Variants in CLCN5 observed in about 807,000 individuals in gnomAD.
CLCN5 encodes the protein Cl-/H+ antiporter 5, also known as H(+)/Cl(-) exchange transporter 5.
A neutral mutation model predicts 54.0 loss-of-function variants in CLCN5; 17 were observed. The ratio of observed to expected loss-of-function variants is 0.31; its 90% CI spans 0.22 to 0.47. The LOEUF (loss-of-function observed/expected upper bound fraction) is 0.47. CLCN5 is among the 20% of genes least tolerant of loss of function. The pLI, the probability that CLCN5 is intolerant of heterozygous loss-of-function variation, is 1.00. For synonymous variants in CLCN5, 222 were observed against 233.0 expected (o/e 0.95, Z 0.43); for missense variants, 448 against 646.7 (o/e 0.69, Z 3.33).
At position 50,092,294 on chromosome X, in the gene CLCN5, A is replaced by C. The variant is rs1210328477; in HGVS notation, c.*75A>C. ...TATGTTGTATTAACTGGGTACCCAAAACACATTTTCCATATTTGGATGGTG... is the reference window on the plus strand; with the variant it reads ...TATGTTGTATTAACTGGGTACCCAACACACATTTTCCATATTTGGATGGTG... On this transcript the variant is annotated 3_prime_UTR_variant, in exon 15 of 15. Transcript: ENST00000376091. 5.6e-6 allele frequency: 4 copies of C among 708,136 alleles called. No homozygotes were observed. In the Admixed American group the frequency reaches 9.2e-5, roughly 16 times the overall value. The allele number at this position is 708,136 out of a possible 1,213,427, so 58.4% of individuals were successfully genotyped here.
chrX:50,088,793 G>A lies in CLCN5; in HGVS notation c.1653G>A (p.Gln551=). 8.3e-7 allele frequency: 1 copy of A among 1,211,598 alleles called. No homozygotes were observed. The highest frequency in any genetic ancestry group is 1.1e-6 in the Non-Finnish European group (1 of 895,230). ...VGMEQLAYYH[Q]EWTVFNSWCS... ...TGGAACAGCTGGCTTATTACCACCA[G>A]GAATGGACCGTCTTCAATAGCTGGT... Residue 551 remains glutamine, a synonymous_variant, in exon 12 of 15, where the codon CAG becomes CAA. Coordinates refer to ENST00000376091, the MANE Select transcript of CLCN5 (RefSeq NM_001127898.4).
chrX:49,992,238 C>G (rs781930779), intron 3 of CLCN5, among the ~76,000 whole-genome samples: 15 of 91,538 alleles, frequency 1.6e-4, no homozygotes, highest in African/African-American at 6.2e-4. Context: ...TTCCAAATTT[C>G]AGCTTGGAAA....
chrX:49,990,465 C>A (rs896004265), intron 3 of CLCN5, among the ~76,000 whole-genome samples: 1 of 106,822 alleles, frequency 9.4e-6, no homozygotes, highest in Admixed American at 1.0e-4. Context: ...TAGTCTTCGT[C>A]TTGGCTCTGT....
At chrX:49,923,845 C>A (rs970802887) in intron 2 of CLCN5, 7 of 112,327 alleles carry the variant, frequency 6.2e-5, no homozygotes, top group African/African-American at 2.3e-4. Flanking sequence ...ACCCTTTTGT[C>A]ATTAAAGAAG....
At chrX:49,960,263 G>GT (rs1445562835) in intron 3 of CLCN5, among the ~76,000 whole-genome samples, 1 of 110,377 alleles carries the variant, frequency 9.1e-6, no homozygotes, top group Non-Finnish European at 1.9e-5. Flanking sequence ...TTCAGCATCT[G>GT]TTTTTTTCTG....
intron 9 of CLCN5, among the ~76,000 whole-genome samples, chrX:50,084,383 T>G (rs1347398261): frequency 9.0e-6 from 1 of 110,948 alleles, no homozygotes; most frequent in Non-Finnish European, 1.9e-5. Context: ...TTTGTTTTTG[T>G]TTTTGTTTTT....
chrX:50,013,189 GTCTT>G (rs1569538723), intron 3 of CLCN5: 2 of 266,093 alleles, frequency 7.5e-6, no homozygotes, highest in Middle Eastern at 5.3e-4. Flanking sequence ...CTCTCTTTCT[GTCTT>G]TCTTTCTCTC....
intron 3 of CLCN5, among the ~76,000 whole-genome samples, chrX:49,929,979 A>C (rs782379856): frequency 9.0e-6 from 1 of 111,480 alleles, no homozygotes; most frequent in Non-Finnish European, 1.9e-5. Flanking sequence ...AGAAAACTAG[A>C]AACAATTGCA....
At chrX:49,979,159 C>A (rs1284424835) in intron 3 of CLCN5, among the ~76,000 whole-genome samples, 1 of 111,293 alleles carries the variant, frequency 9.0e-6, no homozygotes, top group Non-Finnish European at 1.9e-5. Context: ...GAATACCTTC[C>A]CTACAAAGTA....
intron 3 of CLCN5, among the ~76,000 whole-genome samples, chrX:49,989,391 CCTT>C (rs1204420637): frequency 1.8e-5 from 2 of 111,881 alleles, no homozygotes; most frequent in African/African-American, 3.2e-5. Context: ...AAGTGTGTGT[CCTT>C]CCCACAAAAA....
At chrX:49,980,332 T>G (rs782773872) in intron 3 of CLCN5, among the ~76,000 whole-genome samples, 2 of 111,529 alleles carry the variant, frequency 1.8e-5, no homozygotes, top group South Asian at 7.5e-4. Flanking sequence ...TTTTAAATAC[T>G]GTAAAATAAC....
chrX:50,042,535 A>T (rs781978887), intron 4 of CLCN5, 73 bp downstream of exon 4: 11 of 720,966 alleles, frequency 1.5e-5, no homozygotes, highest in Admixed American at 1.0e-4. Context: ...ATTTTTTTTT[A>T]ATTTTATTTT....
In CLCN5 at chrX:50,042,418, TCTCCATGAGAGATGATGTTCCTCC is replaced by T; in HGVS notation, c.122_145del (p.Ser41_Pro48del). 1 of 1,134,682 alleles carries T rather than the reference TCTCCATGAGAGATGATGTTCCTCC, an allele frequency of 8.8e-7. No homozygotes were observed. The highest frequency in any genetic ancestry group is 2.1e-5 in the South Asian group (1 of 46,513). The allele number at this position is 1,134,682 out of a possible 1,213,427, so 93.5% of individuals were successfully genotyped here. ...GACATTCCAGCAACCGCTATGGATT[TCTCCATGAGAGATGATGTTCCTCC>T]CTTAGACCGAGAAGTAGGAGGTATC... On this transcript the variant is annotated inframe_deletion, in exon 4 of 15. Coordinates refer to ENST00000376091, the MANE Select transcript of CLCN5 (RefSeq NM_001127898.4).
At chrX:50,017,428 T>G (rs967675272) in intron 3 of CLCN5, among the ~76,000 whole-genome samples, 1 of 112,370 alleles carries the variant, frequency 8.9e-6, no homozygotes, top group Non-Finnish European at 1.9e-5. Flanking sequence ...CATGTGTGAT[T>G]TGCTTTTACA....
chrX:50,086,755 A>G lies in CLCN5; in HGVS notation c.1442A>G (p.Lys481Arg), dbSNP rs1325053432. 4 of 1,209,080 alleles carry G rather than the reference A, an allele frequency of 3.3e-6. No homozygotes were observed. The African/African-American group carries it at 7.0e-5, about 21-fold the overall frequency. ...TATGAGAACCGTTTCAACACAAGCA[A>G]AGGGGGTGAACTGCCTGACAGACCG... ...CDYENRFNTSKGGELPDRPAG... is the reference protein window; with the variant it reads ...CDYENRFNTSRGGELPDRPAG... Residue 481 changes from lysine (K) to arginine (R), a missense_variant, in exon 11 of 15, where the codon AAA (lysine) becomes AGA (arginine). Around this residue, in one of 5 missense-constraint regions of CLCN5, gnomAD observed 297 missense variants for 470.4 expected, o/e 0.63. Coordinates refer to ENST00000376091, the MANE Select transcript of CLCN5 (RefSeq NM_001127898.4).
At chrX:49,943,115 T>C (rs1926474028) in intron 3 of CLCN5, among the ~76,000 whole-genome samples, 1 of 105,933 alleles carries the variant, frequency 9.4e-6, no homozygotes, top group African/African-American at 3.5e-5. Context: ...TGTGAGATGG[T>C]ATCTCATTGT....
At chrX:50,033,660 A>C (rs1452533613) in intron 3 of CLCN5, among the ~76,000 whole-genome samples, 2 of 110,134 alleles carry the variant, frequency 1.8e-5, no homozygotes, top group Admixed American at 1.9e-4. Context: ...CAGAATTGGA[A>C]AAAACTACTT....
chrX:49,945,484 A>T (rs1175377129), intron 3 of CLCN5: 1 of 107,918 alleles, frequency 9.3e-6, no homozygotes, highest in Non-Finnish European at 1.9e-5. Flanking sequence ...TTACTCTGTC[A>T]CCAGGCTGGA....
chrX:50,075,930 A>T lies in CLCN5; in HGVS notation c.551A>T (p.Asp184Val). 5 of 1,211,832 alleles carry T rather than the reference A, an allele frequency of 4.1e-6. No individual in the cohort carries two copies. The highest frequency in any genetic ancestry group is 5.6e-6 in the Non-Finnish European group (5 of 895,294). Residue 184 changes from aspartate to valine, a missense_variant, in exon 7 of 15, where the codon GAC (aspartate) becomes GTC (valine). This residue lies in a region of CLCN5 where 41 missense variants were observed against 71.3 expected (regional missense o/e 0.58). Coordinates refer to ENST00000376091, the MANE Select transcript of CLCN5 (RefSeq NM_001127898.4). ...GAGCATGTCACCTTTGAAGAGAGAG[A>T]CAAATGTCCAGAGTGGAATAGTTGG... is the stretch of plus-strand genomic sequence containing the variant. ...NSEHVTFEER[D>V]KCPEWNSWSQ...
Sources: gnomAD v4.1 joint callset for allele counts (sites outside exome capture counted in the v4.1 genomes callset) on GRCh38, gnomAD v4.1.1 for gene constraint, gnomAD v4.1.1 regional missense constraint, MANE v1.5 for transcripts, NCBI Gene and HGNC (gene_info 2026-07-23, HGNC 2026-07-21) for gene names.